The following CSMD1 variants were observed in gnomAD, a reference collection of about 807,000 sequenced individuals.
The protein encoded by CSMD1 is CUB and Sushi multiple domains 1.
A neutral mutation model predicts 417.5 loss-of-function variants in CSMD1; 213 were observed. That is an observed-to-expected ratio of 0.51 (90% CI 0.46 to 0.57). The LOEUF (loss-of-function observed/expected upper bound fraction) is 0.57, where lower values mean the gene tolerates loss of function less well. Among genes scored for constraint, CSMD1 ranks in the 20% least tolerant of loss-of-function variants. The probability of loss-of-function intolerance (pLI) is 0.00; values close to 1 mark genes in which losing one functional copy is unlikely to be tolerated. For synonymous variants in CSMD1, 2,862 were observed against 1,736.8 expected, an observed-to-expected ratio of 1.65 and a Z score of -16.11; for missense variants, 6,923 against 4,529.7, an observed-to-expected ratio of 1.53 and a Z score of -15.17.
At chr8:4,308,498 G>T (rs542313793) in intron 3 of CSMD1, among the ~76,000 whole-genome samples, 7 of 152,168 alleles carry the variant, frequency 4.6e-5, no homozygotes, top group Non-Finnish European at 7.3e-5. Context: ...ACGGCAAAAG[G>T]CCATTTCAGT....
chr8:4,722,971 A>C (rs1809161161), intron 1 of CSMD1, among the ~76,000 whole-genome samples: 1 of 152,142 alleles, frequency 6.6e-6, no homozygotes, highest in African/African-American at 2.4e-5. Flanking sequence ...TTAGAGTGCT[A>C]AGGTATCATT....
intron 2 of CSMD1, among the ~76,000 whole-genome samples, chr8:4,582,185 G>C (rs1214839067): frequency 2.0e-5 from 3 of 151,898 alleles, no homozygotes; most frequent in African/African-American, 7.3e-5. Context: ...ACAGACATGA[G>C]GTTTGTCATA....
intron 1 of CSMD1, among the ~76,000 whole-genome samples, chr8:4,647,076 AG>A (rs1471364688): frequency 6.6e-6 from 1 of 152,182 alleles, no homozygotes; most frequent in African/African-American, 2.4e-5. Context: ...TCAGTTCTTA[AG>A]GGGTGTTTTA....
At chr8:3,350,107 GTGTATGTGTGTGTTA>G (rs1808314023) in intron 21 of CSMD1, among the ~76,000 whole-genome samples, 1 of 124,718 alleles carries the variant, frequency 8.0e-6, no homozygotes, top group South Asian at 2.5e-4. Flanking sequence ...ATAATAACTT[GTGTATGTGTGTGTTA>G]CAATACCTAT....
chr8:4,623,065 T>G (rs1452760498), intron 2 of CSMD1, among the ~76,000 whole-genome samples: 1 of 152,146 alleles, frequency 6.6e-6, no homozygotes, highest in East Asian at 1.9e-4. Flanking sequence ...AGGATAAATG[T>G]TGGTGGAAGG....
chr8:4,914,802 G>C (rs903860345), intron 1 of CSMD1, among the ~76,000 whole-genome samples: 14 of 152,130 alleles, frequency 9.2e-5, no homozygotes, highest in African/African-American at 2.7e-4. Context: ...CACAATGTAA[G>C]ACAAAGCTGT....
intron 6 of CSMD1, among the ~76,000 whole-genome samples, chr8:3,747,626 T>G (rs189157793): frequency 3.3e-5 from 5 of 152,284 alleles, no homozygotes; most frequent in Admixed American, 6.5e-5. Flanking sequence ...TTCTCAGTGG[T>G]TGACAATAGC....
At chr8:4,284,458 C>T (rs1036987973) in intron 3 of CSMD1, among the ~76,000 whole-genome samples, 3 of 151,444 alleles carry the variant, frequency 2.0e-5, no homozygotes, top group Admixed American at 6.6e-5. Flanking sequence ...GTTCCCTCCC[C>T]GTCACCATGT....
At chr8:2,997,889 TGA>T (rs768456577) in intron 54 of CSMD1, 120 bp downstream of exon 54, 4 of 895,308 alleles carry the variant, frequency 4.5e-6, no homozygotes, top group Non-Finnish European at 6.4e-6. Flanking sequence ...ACCTGAATGG[TGA>T]GAGTTTGCAG....
intron 3 of CSMD1, among the ~76,000 whole-genome samples, chr8:4,174,120 G>GC (rs1423784521): frequency 3.3e-5 from 5 of 152,168 alleles, no homozygotes; most frequent in African/African-American, 1.2e-4. Context: ...GGTAGGGCAA[G>GC]CCTGGAAAGG....
At chr8:4,026,355 A>G (rs1402426242) in intron 4 of CSMD1, among the ~76,000 whole-genome samples, 2 of 152,222 alleles carry the variant, frequency 1.3e-5, no homozygotes. Context: ...AGAAGAACAA[A>G]GTTTCCTGTG....
In CSMD1 at chr8:3,347,180, G is replaced by A. The variant is rs545927590; in HGVS notation, c.3474+812C>T. Among the ~76,000 whole-genome samples, 83 of 152,360 alleles carry A rather than the reference G, an allele frequency of 5.4e-4. 2 individuals are homozygous for A. The Middle Eastern group carries it at 0.02, about 37-fold the overall frequency. On this transcript the variant is annotated intron_variant, in intron 22 of 69. Transcript: ENST00000635120. The stretch of plus-strand genomic sequence containing the variant: ...GGGCCGCATGTGGCCTGTGGGCCGC[G>A]GGTTGGACAAGATAGTATTATAGCA...
Position 3,588,694 on chromosome 8 carries a change from C to G in CSMD1, c.1098-2434G>C, listed in dbSNP as rs117540843. On this transcript the variant is annotated intron_variant, in intron 8 of 69. Transcript: ENST00000635120. ...AAAACAATCAATAAGCCTAAACCCC[C>G]AAAGCGCAGACAACACAGGCAAAAA... 4.8e-3 allele frequency among the ~76,000 whole-genome samples: 736 copies of G among 152,192 alleles called. 2 individuals carry two copies. Among genetic ancestry groups the G allele is most frequent in the Middle Eastern group, 0.024 (7 of 294 alleles).
chr8:4,115,847 T>C (rs1009354805), intron 3 of CSMD1, among the ~76,000 whole-genome samples: 3 of 152,016 alleles, frequency 2.0e-5, no homozygotes, highest in Admixed American at 1.3e-4. Context: ...AGGTACATAC[T>C]GCATGATCCC....
At chr8:4,500,326 C>G (rs1455478328) in intron 2 of CSMD1, among the ~76,000 whole-genome samples, 2 of 152,040 alleles carry the variant, frequency 1.3e-5, no homozygotes, top group African/African-American at 4.8e-5. Context: ...ATTCTGTAAC[C>G]ACCACACAGT....
intron 1 of CSMD1, among the ~76,000 whole-genome samples, chr8:4,829,196 T>C (rs1799999459): frequency 6.6e-6 from 1 of 152,228 alleles, no homozygotes; most frequent in African/African-American, 2.4e-5. Context: ...TTCAATCTTC[T>C]AATAAAGACT....
intron 23 of CSMD1, among the ~76,000 whole-genome samples, chr8:3,335,935 G>T (rs2117568779): frequency 6.6e-6 from 1 of 152,274 alleles, no homozygotes; most frequent in East Asian, 1.9e-4. Flanking sequence ...CAAAAGTCTG[G>T]CCTTCCTACC....
chr8:4,746,609 A>T (rs1810970579), intron 1 of CSMD1, among the ~76,000 whole-genome samples: 1 of 152,194 alleles, frequency 6.6e-6, no homozygotes. Flanking sequence ...CATTTTGTCC[A>T]CCACAGCTGG....
chr8:4,039,669 T>C (rs1797787700), intron 3 of CSMD1, among the ~76,000 whole-genome samples: 1 of 152,140 alleles, frequency 6.6e-6, no homozygotes, highest in Non-Finnish European at 1.5e-5. Context: ...TGGCTGAGAA[T>C]AACTCAATGA....
Sources: gnomAD v4.1 joint callset for allele counts (sites outside exome capture counted in the v4.1 genomes callset) on GRCh38, gnomAD v4.1.1 for gene constraint, MANE v1.5 for transcripts, NCBI Gene and HGNC (gene_info 2026-07-23, HGNC 2026-07-21) for gene names.